LRFN5: variants seen among roughly 807,000 people sequenced by gnomAD.
LRFN5 encodes the protein leucine-rich repeat and fibronectin type-III domain-containing protein 5.
LRFN5 carries 24 observed loss-of-function variants against 45.6 expected under a neutral mutation model. The observed-to-expected ratio is 0.53, with a 90% CI of 0.38 to 0.74. The LOEUF is 0.74. Ranked by LOEUF, LRFN5 falls within the 30% of genes least tolerant of loss-of-function variation. The pLI is 0.00. For missense variants in LRFN5, 776 were observed against 861.5 expected, an observed-to-expected ratio of 0.90 and a Z score of 1.24; for synonymous variants, 340 against 313.8, an observed-to-expected ratio of 1.08 and a Z score of -0.88.
chr14:41,863,604 T>A (rs962739705), intron 2 of LRFN5, among the ~76,000 whole-genome samples: 4 of 152,336 alleles, frequency 2.6e-5, no homozygotes, highest in African/African-American at 9.6e-5. Context: ...GAATTTCTAG[T>A]TTAATTGCAC....
chr14:41,640,902 A>G (rs942401432), intron 1 of LRFN5, among the ~76,000 whole-genome samples: 3 of 152,048 alleles, frequency 2.0e-5, no homozygotes, highest in African/African-American at 7.2e-5. Flanking sequence ...TGTATCAGCA[A>G]AATATGGGAA....
intron 2 of LRFN5, among the ~76,000 whole-genome samples, chr14:41,831,466 A>G (rs1566471339): frequency 6.6e-6 from 1 of 152,210 alleles, no homozygotes; most frequent in Non-Finnish European, 1.5e-5. Context: ...CACTCAATGT[A>G]TGCAATATGT....
intron 1 of LRFN5, among the ~76,000 whole-genome samples, chr14:41,645,062 G>A (rs1405582397): frequency 6.6e-6 from 1 of 152,136 alleles, no homozygotes; most frequent in African/African-American, 2.4e-5. Flanking sequence ...ACCTGTCCTA[G>A]CTAAATGAGC....
intron 3 of LRFN5, among the ~76,000 whole-genome samples, chr14:41,889,094 A>G (rs1448174491): frequency 9.9e-6 from 1 of 100,888 alleles, no homozygotes; most frequent in African/African-American, 3.7e-5. Context: ...ATATATATAT[A>G]TGTCTATATA....
In LRFN5 at chr14:41,673,566, C is replaced by A. The variant is rs1881366758; in HGVS notation, c.-197+65004C>A. 1.4e-5 allele frequency among the ~76,000 whole-genome samples: 2 copies of A among 141,606 alleles called. 1 individual carries two copies. The highest frequency in any genetic ancestry group is 5.3e-5 in the African/African-American group (2 of 37,646). 92.9% of individuals were successfully genotyped at this position (141,606 alleles called of 152,430 possible). Reference sequence around the variant, plus strand: ...CTCCCGGACGGGGCGGCTGGCCGGGCAGGGGGTGACCCCCCCCACCTCACT... The same window carrying A: ...CTCCCGGACGGGGCGGCTGGCCGGGAAGGGGGTGACCCCCCCCACCTCACT... On this transcript the variant is annotated intron_variant, in intron 1 of 5. Transcript: ENST00000298119.
At chr14:41,614,337 A>G (rs927015048) in intron 1 of LRFN5, among the ~76,000 whole-genome samples, 1 of 152,098 alleles carries the variant, frequency 6.6e-6, no homozygotes, top group African/African-American at 2.4e-5. Flanking sequence ...CGCACTCAAC[A>G]AAAATAGGCC....
intron 1 of LRFN5, among the ~76,000 whole-genome samples, chr14:41,674,123 G>C (rs1226862146): frequency 7.5e-6 from 1 of 133,484 alleles, no homozygotes; most frequent in African/African-American, 2.8e-5. Context: ...CTGGCAGAGG[G>C]GCTCCTCACT....
At chr14:41,613,502 T>C (rs775688047) in intron 1 of LRFN5, among the ~76,000 whole-genome samples, 14 of 152,008 alleles carry the variant, frequency 9.2e-5, no homozygotes, top group Non-Finnish European at 1.8e-4. Flanking sequence ...GCATTTTTTT[T>C]TGTGGGAACA....
chr14:41,744,493 CAAAT>C (rs1164922640), intron 1 of LRFN5, among the ~76,000 whole-genome samples: 1 of 151,934 alleles, frequency 6.6e-6, no homozygotes, highest in Non-Finnish European at 1.5e-5. Context: ...ATATGGAAAA[CAAAT>C]AGCAACATGA....
At chr14:41,786,691 A>G (rs1299233046) in intron 2 of LRFN5, among the ~76,000 whole-genome samples, 3 of 151,596 alleles carry the variant, frequency 2.0e-5, no homozygotes, top group East Asian at 3.9e-4. Flanking sequence ...TGTTGCTTCA[A>G]ATTTCTTTCT....
rs374570172 is a variant in LRFN5, at chr14:41,903,310, ATC to A, written c.2143-844_2143-843del. 2.0e-4 allele frequency among the ~76,000 whole-genome samples: 31 copies of A among 151,554 alleles called. No individual in the cohort carries two copies. In the East Asian group the frequency reaches 3.1e-3, roughly 15 times the overall value. ...TTAATATAGAATACTAAATAAATGA[ATC>A]TCTATTTCATGATTCATTCATGCCA... On this transcript the variant is annotated intron_variant, in intron 5 of 5. Transcript: ENST00000298119.
At chr14:41,856,675 A>ATTATTATTTTTTTTTTTTTTTTTTTTTTT in intron 2 of LRFN5, among the ~76,000 whole-genome samples, 2 of 18,338 alleles carry the variant, frequency 1.1e-4, no homozygotes, top group Non-Finnish European at 1.3e-4. Flanking sequence ...TATTATTATT[A>ATTATTATTTTTTTTTTTTTTTTTTTTTTT]TTTTTTTTTT....
chr14:41,818,751 A>C (rs1888008551), intron 2 of LRFN5, among the ~76,000 whole-genome samples: 1 of 152,068 alleles, frequency 6.6e-6, no homozygotes, highest in South Asian at 2.1e-4. Context: ...CCATAATTTA[A>C]AAAATAGATT....
In LRFN5 at chr14:41,778,020, G is replaced by C. The variant is rs566671598; in HGVS notation, c.-21+10991G>C. Among the ~76,000 whole-genome samples, 22 of 134,424 alleles carry C rather than the reference G, an allele frequency of 1.6e-4. 3 individuals carry two copies. In the South Asian group the frequency reaches 2.0e-3, roughly 12 times the overall value. 88.2% of individuals were successfully genotyped at this position (134,424 alleles called of 152,430 possible). On this transcript the variant is annotated intron_variant, in intron 2 of 5. Coordinates refer to ENST00000298119, the MANE Select transcript of LRFN5 (RefSeq NM_152447.5). ...GATCCTTTTTTTTTGGTGGGGGGGG[G>C]GGATTGAGAGGGGAAGATTATACTT...
At chr14:41,803,362 T>C (rs1044575687) in intron 2 of LRFN5, among the ~76,000 whole-genome samples, 12 of 152,052 alleles carry the variant, frequency 7.9e-5, no homozygotes, top group Non-Finnish European at 1.8e-4. Context: ...GCTTTTTTTT[T>C]TCTTTTTGAG....
At chr14:41,726,300 CTG>C (rs1883930347) in intron 1 of LRFN5, among the ~76,000 whole-genome samples, 1 of 152,078 alleles carries the variant, frequency 6.6e-6, no homozygotes, top group African/African-American at 2.4e-5. Flanking sequence ...TTCCTATAAA[CTG>C]CGTTCATTTT....
intron 2 of LRFN5, among the ~76,000 whole-genome samples, chr14:41,840,751 A>G (rs888980296): frequency 2.6e-5 from 4 of 152,156 alleles, no homozygotes; most frequent in Admixed American, 1.3e-4. Context: ...GAAGGCAACT[A>G]AAATAATTCT....
At chr14:41,863,970 G>C (rs1410836572) in intron 2 of LRFN5, among the ~76,000 whole-genome samples, 1 of 152,196 alleles carries the variant, frequency 6.6e-6, no homozygotes, top group African/African-American at 2.4e-5. Flanking sequence ...TGCTGAGAAT[G>C]ATGGTTTCCA....
intron 1 of LRFN5, among the ~76,000 whole-genome samples, chr14:41,690,572 A>G (rs1035488716): frequency 1.3e-5 from 2 of 152,166 alleles, no homozygotes; most frequent in Non-Finnish European, 2.9e-5. Context: ...GTGAAAAGAA[A>G]TTAGCATAAA....
Sources: allele counts gnomAD v4.1 joint callset (sites outside exome capture counted in the v4.1 genomes callset), GRCh38; gene constraint gnomAD v4.1.1; transcripts MANE v1.5; gene names NCBI Gene and HGNC (gene_info 2026-07-23, HGNC 2026-07-21).